Variants in CACNA2D3 observed in about 807,000 individuals in gnomAD.
CACNA2D3 encodes the protein voltage-dependent calcium channel subunit alpha-2/delta-3.
CACNA2D3 carries 60 observed loss-of-function variants against 160.6 expected under a neutral mutation model. The observed-to-expected ratio is 0.37, with a 90% confidence interval of 0.30 to 0.46. The LOEUF is 0.46. Among genes scored for constraint, CACNA2D3 ranks in the 20% least tolerant of loss-of-function variants. CACNA2D3 has a pLI of 1.00. For missense variants in CACNA2D3, 1,205 were observed against 1,365.0 expected, an observed-to-expected ratio of 0.88 and a Z score of 1.85; for synonymous variants, 558 against 492.9, an observed-to-expected ratio of 1.13 and a Z score of -1.75.
intron 11 of CACNA2D3, among the ~76,000 whole-genome samples, chr3:54,710,773 G>A (rs138169384): frequency 2.0e-5 from 3 of 152,164 alleles, no homozygotes; most frequent in Middle Eastern, 3.2e-3. Flanking sequence ...GCCACATTGA[G>A]TGTAGTGGGA....
Position 54,452,981 on chromosome 3 carries a change from C to G in CACNA2D3, c.382-50511C>G, listed in dbSNP as rs1411765014. Among the ~76,000 whole-genome samples, 9 of 151,016 alleles carry G rather than the reference C, an allele frequency of 6.0e-5. No homozygotes were observed. The East Asian group carries it at 1.8e-3, about 29-fold the overall frequency. On this transcript the variant is annotated intron_variant, in intron 4 of 37. Transcript: ENST00000474759. ...TCTTTCTTTCTTTCCCTCTCTTTTT[C>G]TTTCTCTCTCTCTTTCTCCTCTTTC...
At chr3:54,268,703 C>T (rs1164982476) in intron 2 of CACNA2D3, among the ~76,000 whole-genome samples, 1 of 152,146 alleles carries the variant, frequency 6.6e-6, no homozygotes, top group African/African-American at 2.4e-5. Flanking sequence ...GCCACCGTGC[C>T]CAGCTGTCAC....
In CACNA2D3 at chr3:54,717,372, C is replaced by T. The variant is rs565443985; in HGVS notation, c.1168-35227C>T. Among the ~76,000 whole-genome samples, 134 of 152,328 alleles carry T rather than the reference C, an allele frequency of 8.8e-4. 1 individual carries two copies. The highest frequency in any genetic ancestry group is 6.8e-3 in the Middle Eastern group (2 of 294). On this transcript the variant is annotated intron_variant, in intron 11 of 37. Coordinates refer to ENST00000474759, the MANE Select transcript of CACNA2D3 (RefSeq NM_018398.3). ...TCGAATTACCACCTCAAAAGGTATACATGTGTTCTGCATTAAGAAAATTCT... is the reference window on the plus strand; with the variant it reads ...TCGAATTACCACCTCAAAAGGTATATATGTGTTCTGCATTAAGAAAATTCT...
intron 18 of CACNA2D3, among the ~76,000 whole-genome samples, chr3:54,877,560 G>T (rs1237645199): frequency 2.0e-5 from 3 of 152,170 alleles, no homozygotes; most frequent in Non-Finnish European, 4.4e-5. Flanking sequence ...AGATCATAAA[G>T]CTCTGGCTCC....
At chr3:55,067,665 G>A (rs761352623) in intron 35 of CACNA2D3, among the ~76,000 whole-genome samples, 3 of 152,138 alleles carry the variant, frequency 2.0e-5, no homozygotes, top group Non-Finnish European at 2.9e-5. Flanking sequence ...AACCACTGTT[G>A]CTGGTGTGGT....
intron 4 of CACNA2D3, among the ~76,000 whole-genome samples, chr3:54,405,655 T>A (rs962128288): frequency 8.5e-5 from 13 of 152,124 alleles, no homozygotes; most frequent in Middle Eastern, 3.4e-3. Context: ...ACGGTGACCT[T>A]GACAGTGATT....
intron 2 of CACNA2D3, among the ~76,000 whole-genome samples, chr3:54,210,140 A>G (rs1701346776): frequency 6.6e-6 from 1 of 152,170 alleles, no homozygotes. Flanking sequence ...GTGATATGGA[A>G]AAAAAGTAGA....
At chr3:54,928,102 C>T (rs1575382967) in intron 27 of CACNA2D3, 1 of 582,572 alleles carries the variant, frequency 1.7e-6, no homozygotes, top group Non-Finnish European at 3.0e-6. Context: ...CAGCCCTTCC[C>T]CTTGTCTCCA....
Position 54,896,875 on chromosome 3 carries a change from G to T in CACNA2D3, c.2368+5G>T. ...ACTCGATCCCATTCAGCACTGGTGG[G>T]TGCCCTTGTTGGAGGCGGGCTCTGT... On this transcript the variant is annotated splice_donor_5th_base_variant and intron_variant, in intron 26 of 37. Transcript: ENST00000474759. The T allele has an allele frequency of 6.2e-7, 1 of 1,613,946 alleles. No individual in the cohort carries two copies. Among genetic ancestry groups the T allele is most frequent in the East Asian group, 2.2e-5 (1 of 44,872 alleles).
At chr3:54,424,947 G>T (rs1025523975) in intron 4 of CACNA2D3, among the ~76,000 whole-genome samples, 1 of 152,206 alleles carries the variant, frequency 6.6e-6, no homozygotes, top group African/African-American at 2.4e-5. Context: ...AGAGCTGGAC[G>T]TGGGGGTACA....
At chr3:54,635,091 A>G (rs192537146) in intron 10 of CACNA2D3, among the ~76,000 whole-genome samples, 3 of 152,016 alleles carry the variant, frequency 2.0e-5, no homozygotes, top group Non-Finnish European at 4.4e-5. Context: ...AGTCGGAGAG[A>G]TTAAGCTGAA....
intron 3 of CACNA2D3, among the ~76,000 whole-genome samples, chr3:54,336,856 A>C (rs1047475740): frequency 1.6e-4 from 25 of 152,202 alleles, no homozygotes; most frequent in Non-Finnish European, 1.5e-4. Context: ...ATAAATTAAA[A>C]GTATATAAAA....
At chr3:54,837,806 C>T (rs1255312925) in intron 15 of CACNA2D3, among the ~76,000 whole-genome samples, 1 of 152,122 alleles carries the variant, frequency 6.6e-6, no homozygotes, top group East Asian at 1.9e-4. Context: ...TCTCTGTGTC[C>T]TTCCCTGTTG....
intron 2 of CACNA2D3, among the ~76,000 whole-genome samples, chr3:54,205,606 C>G (rs932507867): frequency 2.0e-5 from 3 of 152,122 alleles, no homozygotes; most frequent in Non-Finnish European, 4.4e-5. Flanking sequence ...CCTTCATTTA[C>G]CACAATGGGC....
chr3:54,681,629 G>T (rs1025837535), intron 11 of CACNA2D3, among the ~76,000 whole-genome samples: 1 of 151,862 alleles, frequency 6.6e-6, no homozygotes, highest in Non-Finnish European at 1.5e-5. Context: ...GAAGATAGAA[G>T]GTTGGATCTG....
At chr3:54,211,398 C>G (rs1233502326) in intron 2 of CACNA2D3, among the ~76,000 whole-genome samples, 1 of 152,122 alleles carries the variant, frequency 6.6e-6, no homozygotes, top group Non-Finnish European at 1.5e-5. Flanking sequence ...GCCATGAATA[C>G]CCTGCACATA....
chr3:55,007,631 T>C (rs573929543), intron 32 of CACNA2D3, 159 bp from the exon 33 acceptor site: 1 of 570,292 alleles, frequency 1.8e-6, no homozygotes, highest in Admixed American at 4.0e-5. Flanking sequence ...TAGGATACAG[T>C]ATCCAACAAT....
chr3:54,171,136 C>CTTTATTTTTTTTTTTTT (rs1700557980), intron 2 of CACNA2D3, among the ~76,000 whole-genome samples: 1 of 62,542 alleles, frequency 1.6e-5, no homozygotes, highest in Non-Finnish European at 2.9e-5. Flanking sequence ...AAGATGATGA[C>CTTTATTTTTTTTTTTTT]TTTTTTTTTT....
At chr3:54,894,761 G>A (rs1244677485) in intron 25 of CACNA2D3, 10 of 433,030 alleles carry the variant, frequency 2.3e-5, no homozygotes, top group East Asian at 7.1e-5. Flanking sequence ...CATGTCTAGC[G>A]AAAGAAATGA....
Sources: allele counts gnomAD v4.1 joint callset (sites outside exome capture counted in the v4.1 genomes callset), GRCh38; gene constraint gnomAD v4.1.1; transcripts MANE v1.5; gene names NCBI Gene and HGNC (gene_info 2026-07-23, HGNC 2026-07-21).